GXYLT1: variants seen among roughly 807,000 people sequenced by gnomAD.
The protein encoded by GXYLT1 is glycosyltransferase 8 domain containing 3.
A neutral mutation model predicts 54.0 loss-of-function variants in GXYLT1; 29 were observed. The observed-to-expected ratio is 0.54, with a 90% CI of 0.40 to 0.73. GXYLT1 has a LOEUF of 0.73. GXYLT1 is among the 30% of genes least tolerant of loss of function. The probability of loss-of-function intolerance (pLI) is 0.00; values close to 1 mark genes in which losing one functional copy is unlikely to be tolerated. For synonymous variants in GXYLT1, 176 were observed against 204.1 expected (o/e 0.86, Z 1.17); for missense variants, 490 against 553.4 (o/e 0.89, Z 1.15).
chr12:42,108,293 G>A (rs1472001457), intron 4 of GXYLT1, among the ~76,000 whole-genome samples: 1 of 152,136 alleles, frequency 6.6e-6, no homozygotes, highest in East Asian at 1.9e-4. Flanking sequence ...CAGAGAAATG[G>A]CCAAAACCTC....
chr12:42,112,285 G>C (rs1340837696), intron 3 of GXYLT1, among the ~76,000 whole-genome samples: 1 of 152,204 alleles, frequency 6.6e-6, no homozygotes, highest in African/African-American at 2.4e-5. Context: ...ATGGAACAAA[G>C]CTAGATGGAG....
rs544882294 is a variant in GXYLT1 at position 42,110,565 on chromosome 12, G to A, written c.487-874C>T. Among the ~76,000 whole-genome samples, 130 of 152,154 alleles carry A rather than the reference G, an allele frequency of 8.5e-4. 1 individual carries two copies. Among genetic ancestry groups the A allele is most frequent in the African/African-American group, 3.0e-3 (124 of 41,498 alleles). On this transcript the variant is annotated intron_variant, in intron 3 of 7. Transcript: ENST00000398675. ...TTATTTTATTTTATTATTGTTTTGA[G>A]ACAAGGTCTCACTCTGTCACCCAGA... is the stretch of plus-strand genomic sequence containing the variant.
chr12:42,116,483 T>A (rs1272172343), intron 3 of GXYLT1, among the ~76,000 whole-genome samples: 2 of 152,182 alleles, frequency 1.3e-5, no homozygotes, highest in Admixed American at 6.5e-5. Context: ...CAACAGACAC[T>A]TCTCAAAAGA....
At chr12:42,099,590 C>G (rs1471112293) in intron 5 of GXYLT1, among the ~76,000 whole-genome samples, 1 of 152,170 alleles carries the variant, frequency 6.6e-6, no homozygotes, top group African/African-American at 2.4e-5. Flanking sequence ...CAGCGACTCA[C>G]GCCTGTAATC....
chr12:42,100,816 A>T (rs1469230306), intron 5 of GXYLT1, among the ~76,000 whole-genome samples: 1 of 152,154 alleles, frequency 6.6e-6, no homozygotes, highest in East Asian at 1.9e-4. Context: ...GAACACTTTC[A>T]ACAGACAGAA....
chr12:42,114,821 C>A (rs1380984040), intron 3 of GXYLT1, among the ~76,000 whole-genome samples: 1 of 152,036 alleles, frequency 6.6e-6, no homozygotes, highest in Non-Finnish European at 1.5e-5. Flanking sequence ...GGCAGAGACA[C>A]AACCAAAAAA....
At chr12:42,106,887 A>AG (rs2065424766) in intron 4 of GXYLT1, among the ~76,000 whole-genome samples, 1 of 151,628 alleles carries the variant, frequency 6.6e-6, no homozygotes, top group Non-Finnish European at 1.5e-5. Context: ...CTGGGATTAC[A>AG]GGCATGCATC....
intron 1 of GXYLT1, among the ~76,000 whole-genome samples, chr12:42,136,945 T>C (rs1452987580): frequency 4.6e-5 from 7 of 152,046 alleles, no homozygotes; most frequent in Non-Finnish European, 1.0e-4. Flanking sequence ...AGGTAATTTT[T>C]TGTATTTTTG....
At chr12:42,122,552 T>A (rs1223785550) in intron 2 of GXYLT1, among the ~76,000 whole-genome samples, 2 of 152,196 alleles carry the variant, frequency 1.3e-5, no homozygotes, top group Non-Finnish European at 2.9e-5. Flanking sequence ...ATCATGCCAT[T>A]GCACTACAGT....
At chr12:42,090,702 C>G (rs1592099948) in intron 7 of GXYLT1, among the ~76,000 whole-genome samples, 1 of 152,316 alleles carries the variant, frequency 6.6e-6, no homozygotes, top group South Asian at 2.1e-4. Flanking sequence ...CCTAAGTGTT[C>G]ACTATATGCA....
intron 2 of GXYLT1, among the ~76,000 whole-genome samples, chr12:42,127,855 TA>T (rs1451847176): frequency 6.6e-6 from 1 of 152,228 alleles, no homozygotes; most frequent in Non-Finnish European, 1.5e-5. Flanking sequence ...AGATTATCTT[TA>T]AAAGTTAATT....
At position 42,098,166 on chromosome 12, in the gene GXYLT1, G is replaced by C. The variant is rs2065367892; in HGVS notation, c.865-133C>G. On this transcript the variant is annotated intron_variant, in intron 5 of 7. Transcript: ENST00000398675. ...AAATGCAAACTCCTCACAATATCAA[G>C]TGACATTTCTAACCCTAAATGTGAG... is the stretch of plus-strand genomic sequence containing the variant. The C allele has an allele frequency of 6.4e-6, 5 of 775,550 alleles. No individual in the cohort carries two copies. The South Asian group carries it at 6.7e-5, about 10-fold the overall frequency. The allele number at this position is 775,550 out of a possible 1,614,324, so 48.0% of individuals were successfully genotyped here.
At chr12:42,138,498 C>T (rs2065633714) in intron 1 of GXYLT1, among the ~76,000 whole-genome samples, 1 of 151,554 alleles carries the variant, frequency 6.6e-6, no homozygotes, top group African/African-American at 2.4e-5. Flanking sequence ...CTACCAGCCC[C>T]CAGCTCCCCC....
rs1351897351 is a variant in GXYLT1 at position 42,144,557 on chromosome 12, C to CAGGG, written c.86_89dup (p.Glu31ProfsTer47). On this transcript the variant is annotated frameshift_variant, in exon 1 of 8. Transcript: ENST00000398675. LOFTEE classifies it high-confidence loss of function. ...CGCCACCGCCGCCCGTTCCTTCTTCCAGGGACACGGCGAGCTGGCTGAAAG... is the reference window on the plus strand; with the variant it reads ...CGCCACCGCCGCCCGTTCCTTCTTCCAGGGAGGGACACGGCGAGCTGGCTGAAAG... The CAGGG allele has an allele frequency of 2.7e-6, 4 of 1,461,180 alleles. No individual in the cohort carries two copies. The highest frequency in any genetic ancestry group is 3.6e-6 in the Non-Finnish European group (4 of 1,105,778). 90.5% of individuals were successfully genotyped at this position (1,461,180 alleles called of 1,614,324 possible).
intron 2 of GXYLT1, among the ~76,000 whole-genome samples, chr12:42,119,703 G>A (rs1286897172): frequency 6.6e-6 from 1 of 152,014 alleles, no homozygotes; most frequent in Non-Finnish European, 1.5e-5. Context: ...GGCTACTCAG[G>A]AGGCTGACAT....
chr12:42,118,124 C>G (rs919607022), intron 3 of GXYLT1, among the ~76,000 whole-genome samples: 13 of 152,192 alleles, frequency 8.5e-5, no homozygotes, highest in African/African-American at 3.1e-4. Context: ...AAATAAACTT[C>G]AATCCTGTTT....
rs1166108504 is a variant in GXYLT1 at position 42,100,198 on chromosome 12, G to C, written c.865-2165C>G. Among the ~76,000 whole-genome samples, 3 of 152,262 alleles carry C rather than the reference G, an allele frequency of 2.0e-5. No homozygotes were observed. The South Asian group carries it at 6.2e-4, about 32-fold the overall frequency. ...GCCTTTTAGATCTATGTGACTCGGG[G>C]ACTATCCAGAGTAAAAACCAGTATT... is the stretch of plus-strand genomic sequence containing the variant. On this transcript the variant is annotated intron_variant, in intron 5 of 7. Coordinates refer to ENST00000398675, the MANE Select transcript of GXYLT1 (RefSeq NM_173601.2).
At chr12:42,140,621 C>T (rs905383633) in intron 1 of GXYLT1, among the ~76,000 whole-genome samples, 7 of 152,138 alleles carry the variant, frequency 4.6e-5, no homozygotes, top group African/African-American at 1.7e-4. Flanking sequence ...ACTTTCTATT[C>T]TTTAAGTTCT....
At chr12:42,138,788 AG>A (rs2065635604) in intron 1 of GXYLT1, among the ~76,000 whole-genome samples, 1 of 152,154 alleles carries the variant, frequency 6.6e-6, no homozygotes, top group Non-Finnish European at 1.5e-5. Context: ...TGGGAGGCCG[AG>A]GCAGGTGGAT....
Sources: gnomAD v4.1 joint callset for allele counts (sites outside exome capture counted in the v4.1 genomes callset) on GRCh38, gnomAD v4.1.1 for gene constraint, MANE v1.5 for transcripts, NCBI Gene and HGNC (gene_info 2026-07-23, HGNC 2026-07-21) for gene names.